CFAP47: variants seen among roughly 807,000 people sequenced by gnomAD.
The protein encoded by CFAP47 is cilia and flagella associated protein 47.
In CFAP47, 29 loss-of-function variants were observed where a neutral mutation model predicts 148.1. The observed-to-expected ratio is 0.20, with a 90% CI of 0.15 to 0.27. The LOEUF (loss-of-function observed/expected upper bound fraction) is 0.27, where lower values mean the gene tolerates loss of function less well. Ranked by LOEUF, CFAP47 falls within the 10% of genes least tolerant of loss-of-function variation. The pLI is 1.00. For synonymous variants in CFAP47, 664 were observed against 577.3 expected (o/e 1.15, Z -2.15); for missense variants, 1,872 against 1,697.5 (o/e 1.10, Z -1.81).
At chrX:36,155,607 G>T (rs1939357607) in intron 37 of CFAP47, among the ~76,000 whole-genome samples, 1 of 111,109 alleles carries the variant, frequency 9.0e-6, no homozygotes, top group Admixed American at 9.7e-5. Context: ...ATGCCATTGT[G>T]GTTTAGAACT....
chrX:35,989,614 T>G, intron 16 of CFAP47, 165 bp downstream of exon 16: 1 of 1,070,788 alleles, frequency 9.3e-7, no homozygotes, highest in Non-Finnish European at 1.2e-6. Flanking sequence ...TGTAATATCA[T>G]CATGGGAGCC....
chrX:35,936,234 G>A (rs1935908959), intron 2 of CFAP47, among the ~76,000 whole-genome samples: 1 of 111,324 alleles, frequency 9.0e-6, no homozygotes, highest in Non-Finnish European at 1.9e-5. Flanking sequence ...AAGTCTGGGT[G>A]AATTCTATTA....
intron 3 of CFAP47, 150 bp downstream of exon 3, chrX:35,941,548 G>C: frequency 6.0e-6 from 2 of 332,263 alleles, no homozygotes; most frequent in Non-Finnish European, 1.0e-5. Context: ...TAGTATTACT[G>C]TAAAAGACTG....
chrX:36,264,361 T>C (rs1038738924), intron 49 of CFAP47, among the ~76,000 whole-genome samples: 2 of 111,612 alleles, frequency 1.8e-5, no homozygotes, highest in Non-Finnish European at 3.8e-5. Flanking sequence ...CTATACTGCC[T>C]TTCCAGTATA....
At chrX:36,246,250 G>A (rs1440182507) in intron 48 of CFAP47, among the ~76,000 whole-genome samples, 1 of 111,401 alleles carries the variant, frequency 9.0e-6, no homozygotes, top group Non-Finnish European at 1.9e-5. Context: ...AATTTGCACA[G>A]GACGTGAATA....
At chrX:36,126,276 G>A (rs1938836797) in intron 33 of CFAP47, among the ~76,000 whole-genome samples, 1 of 109,664 alleles carries the variant, frequency 9.1e-6, no homozygotes, top group Non-Finnish European at 1.9e-5. Context: ...GCCCCGGTGT[G>A]TGATGTTTCC....
At chrX:36,209,952 A>G (rs1555989277) in intron 45 of CFAP47, among the ~76,000 whole-genome samples, 1 of 111,741 alleles carries the variant, frequency 8.9e-6, no homozygotes, top group African/African-American at 3.3e-5. Context: ...GTCTATCTCT[A>G]TAGAAGTGCC....
intron 60 of CFAP47, among the ~76,000 whole-genome samples, chrX:36,358,973 A>C (rs7053071): frequency 0.098 from 10,923 of 111,355 alleles, 408 homozygotes; most frequent in East Asian, 0.23. Flanking sequence ...TAGTTATCAC[A>C]GTAGTAATTT....
At chrX:36,000,489 G>A (rs1936901112) in intron 20 of CFAP47, 62 bp downstream of exon 20, 1 of 275,929 alleles carries the variant, frequency 3.6e-6, no homozygotes, top group Non-Finnish European at 6.3e-6. Context: ...TTGCCCTGTG[G>A]TATAATTTCT....
chrX:36,191,922 G>A (rs1248688920), intron 42 of CFAP47, among the ~76,000 whole-genome samples: 1 of 110,867 alleles, frequency 9.0e-6, no homozygotes, highest in Non-Finnish European at 1.9e-5. Context: ...GGTGGAGGCT[G>A]CAGTGAGCCG....
chrX:36,359,481 TG>T (rs1197428961), intron 60 of CFAP47, among the ~76,000 whole-genome samples: 1 of 112,487 alleles, frequency 8.9e-6, no homozygotes, highest in Non-Finnish European at 1.9e-5. Context: ...ACTAATTTTT[TG>T]TGGCTATAGT....
At position 35,951,329 on chromosome X, in the gene CFAP47, C is replaced by T. The variant is rs766257154; in HGVS notation, c.855C>T (p.Ile285=). The change falls in exon 5 of 64, where the codon ATC becomes ATT. Residue 285 remains isoleucine (I), a synonymous_variant. Transcript: ENST00000378653. ...CAGAGCCCATAAATTGGGTGGCCAT[C>T]ATACAAGATGATGCCGTGGGAGAAG... is the stretch of plus-strand genomic sequence containing the variant. ...NSPEPINWVA[I]IQDDAVGEEL... 8.3e-6 allele frequency: 10 copies of T among 1,199,372 alleles called. No individual in the cohort carries two copies. Among genetic ancestry groups the T allele is most frequent in the Non-Finnish European group, 1.1e-5 (10 of 886,178 alleles).
chrX:36,307,189 C>G (rs959513377), intron 55 of CFAP47, among the ~76,000 whole-genome samples: 1 of 111,517 alleles, frequency 9.0e-6, no homozygotes, highest in South Asian at 3.7e-4. Context: ...TACTACTCAA[C>G]TTTCCATAAA....
chrX:35,966,923 G>GTA (rs1292119415), intron 9 of CFAP47, among the ~76,000 whole-genome samples, 169 bp downstream of exon 9: 1 of 110,030 alleles, frequency 9.1e-6, no homozygotes, highest in East Asian at 2.8e-4. Flanking sequence ...ATATATATAT[G>GTA]TATATATATA....
At chrX:36,109,428 C>CT (rs1279283554) in intron 33 of CFAP47, among the ~76,000 whole-genome samples, 4 of 111,246 alleles carry the variant, frequency 3.6e-5, no homozygotes, top group African/African-American at 1.3e-4. Context: ...ATAAGTGTAC[C>CT]TTTTTCTCTG....
At position 36,385,143 on chromosome X, in the gene CFAP47, G is replaced by C; in HGVS notation, c.*137G>C. 2.2e-6 allele frequency: 1 copy of C among 457,561 alleles called. No individual in the cohort carries two copies. Among genetic ancestry groups the C allele is most frequent in the Non-Finnish European group, 3.8e-6 (1 of 265,891 alleles). The allele number at this position is 457,561 out of a possible 1,213,427, so 37.7% of individuals were successfully genotyped here. On this transcript the variant is annotated 3_prime_UTR_variant, in exon 64 of 64. Transcript: ENST00000378653. ...TTCCTTGTCTTTTAAAATTCAATCT[G>C]TTCTCTGAATATATTATACTTCATT...
intron 22 of CFAP47, among the ~76,000 whole-genome samples, chrX:36,022,695 A>G (rs1276641605): frequency 9.1e-6 from 1 of 110,040 alleles, no homozygotes; most frequent in African/African-American, 3.3e-5. Context: ...CTGACTGTGT[A>G]TTTTTAAATA....
intron 1 of CFAP47, among the ~76,000 whole-genome samples, chrX:35,925,215 T>C: frequency 9.2e-6 from 1 of 109,278 alleles, no homozygotes; most frequent in Non-Finnish European, 1.9e-5. Context: ...TACTAAAAAA[T>C]TACAAAAAAT....
chrX:35,969,004 T>A (rs766622144), intron 10 of CFAP47, among the ~76,000 whole-genome samples: 7 of 110,059 alleles, frequency 6.4e-5, no homozygotes, highest in African/African-American at 2.3e-4. Flanking sequence ...TGTATATATG[T>A]ATATATCTAT....
Sources: gnomAD v4.1 joint callset for allele counts (sites outside exome capture counted in the v4.1 genomes callset) on GRCh38, gnomAD v4.1.1 for gene constraint, MANE v1.5 for transcripts, NCBI Gene and HGNC (gene_info 2026-07-23, HGNC 2026-07-21) for gene names.